Variants in EVI5 observed in about 807,000 individuals in gnomAD.
EVI5 encodes ecotropic viral integration site 5 protein homolog.
In EVI5, 73 loss-of-function variants were observed where a neutral mutation model predicts 112.0. The observed-to-expected ratio is 0.65, with a 90% CI of 0.54 to 0.79. The LOEUF is 0.79. Among genes scored for constraint, EVI5 ranks in the 30% least tolerant of loss-of-function variants. EVI5 has a pLI of 0.00. For missense variants in EVI5, 900 were observed against 968.8 expected, an observed-to-expected ratio of 0.93 and a Z score of 0.94; for synonymous variants, 305 against 319.9, an observed-to-expected ratio of 0.95 and a Z score of 0.50.
chr1:92,713,830 T>C (rs1053776325), intron 2 of EVI5, among the ~76,000 whole-genome samples: 1 of 152,142 alleles, frequency 6.6e-6, no homozygotes, highest in African/African-American at 2.4e-5. Context: ...GCCCCCAAAA[T>C]ATGCTAAAAA....
intron 19 of EVI5, among the ~76,000 whole-genome samples, chr1:92,536,310 A>C (rs529361797): frequency 6.6e-6 from 1 of 152,224 alleles, no homozygotes; most frequent in Non-Finnish European, 1.5e-5. Context: ...GAAAGCGATA[A>C]GTTATTATAC....
chr1:92,566,431 T>A (rs983824346), intron 18 of EVI5, among the ~76,000 whole-genome samples: 5 of 152,158 alleles, frequency 3.3e-5, no homozygotes, highest in Non-Finnish European at 2.9e-5. Flanking sequence ...ATTACTCGTG[T>A]TTGTGGTGGT....
chr1:92,621,488 A>G lies in EVI5; in HGVS notation c.1827+2688T>C, dbSNP rs954929080. ...CACCACACCTGGATAATTTTTTTGT[A>G]TTTTTAGTAGAGATGGGGTTTCACC... On this transcript the variant is annotated intron_variant, in intron 16 of 19. Transcript: ENST00000684568. 3.2e-4 allele frequency among the ~76,000 whole-genome samples: 48 copies of G among 152,092 alleles called. 1 individual carries two copies. The highest frequency in any genetic ancestry group is 2.3e-3 in the Admixed American group (35 of 15,282).
intron 13 of EVI5, among the ~76,000 whole-genome samples, chr1:92,660,097 G>C (rs779159649): frequency 6.6e-6 from 1 of 151,952 alleles, no homozygotes; most frequent in Non-Finnish European, 1.5e-5. Context: ...GAGAGGCGGT[G>C]AGGAATGAGA....
At chr1:92,591,843 G>C (rs1353349305) in intron 18 of EVI5, among the ~76,000 whole-genome samples, 1 of 152,128 alleles carries the variant, frequency 6.6e-6, no homozygotes, top group Non-Finnish European at 1.5e-5. Context: ...TTCCAAAATT[G>C]ACCATATAGT....
At chr1:92,547,422 C>A (rs1315734722) in intron 19 of EVI5, among the ~76,000 whole-genome samples, 2 of 152,148 alleles carry the variant, frequency 1.3e-5, no homozygotes, top group Non-Finnish European at 2.9e-5. Flanking sequence ...GACACCCTAA[C>A]ATCACAATTA....
At chr1:92,724,547 C>A (rs989331203) in intron 2 of EVI5, among the ~76,000 whole-genome samples, 2 of 152,118 alleles carry the variant, frequency 1.3e-5, no homozygotes, top group Admixed American at 1.3e-4. Context: ...CTCATTCATG[C>A]CTGTAATTCC....
At chr1:92,750,820 A>G (rs1228394909) in intron 1 of EVI5, among the ~76,000 whole-genome samples, 1 of 152,204 alleles carries the variant, frequency 6.6e-6, no homozygotes, top group Non-Finnish European at 1.5e-5. Context: ...CATAACATAC[A>G]AACACTTCAT....
Position 92,703,213 on chromosome 1 carries a change from C to A in EVI5, c.564+182G>T, listed in dbSNP as rs115125291. On this transcript the variant is annotated intron_variant, in intron 4 of 19. Transcript: ENST00000684568. ...CTAAATAACGTAGTAAATGTTCTAA[C>A]AAGTTCTCTATACTAGATAGTAATG... 3.1e-3 allele frequency among the ~76,000 whole-genome samples: 478 copies of A among 152,060 alleles called. 7 individuals carry two copies. The highest frequency in any genetic ancestry group is 0.011 in the African/African-American group (450 of 41,458).
chr1:92,581,092 T>C (rs1482698923), intron 18 of EVI5, among the ~76,000 whole-genome samples: 1 of 152,208 alleles, frequency 6.6e-6, no homozygotes, highest in Non-Finnish European at 1.5e-5. Context: ...GGCTAGGTGA[T>C]TGTCCACATA....
chr1:92,739,134 A>G (rs1677930262), intron 1 of EVI5, among the ~76,000 whole-genome samples: 1 of 151,856 alleles, frequency 6.6e-6, no homozygotes, highest in Non-Finnish European at 1.5e-5. Flanking sequence ...TTAGCTGGGC[A>G]TGGTGGCGGG....
At chr1:92,636,900 G>C (rs2101918064) in intron 13 of EVI5, among the ~76,000 whole-genome samples, 1 of 151,984 alleles carries the variant, frequency 6.6e-6, no homozygotes, top group South Asian at 2.1e-4. Context: ...CTTTTAATGT[G>C]GGTATTAGAA....
At chr1:92,635,323 C>G (rs757572585) in intron 14 of EVI5, among the ~76,000 whole-genome samples, 1 of 152,218 alleles carries the variant, frequency 6.6e-6, no homozygotes, top group Non-Finnish European at 1.5e-5. Context: ...GCAGTGGGCT[C>G]CACCCAGTTG....
intron 18 of EVI5, among the ~76,000 whole-genome samples, chr1:92,584,265 CT>C (rs533753468): frequency 1.2e-4 from 18 of 149,382 alleles, no homozygotes; most frequent in East Asian, 1.9e-4. Flanking sequence ...TTAAATAATG[CT>C]TTTTTTTTTC....
chr1:92,765,845 G>A (rs1682548122), intron 1 of EVI5, among the ~76,000 whole-genome samples: 1 of 152,024 alleles, frequency 6.6e-6, no homozygotes, highest in African/African-American at 2.4e-5. Flanking sequence ...GGAAGCCAAG[G>A]CGGGAGGGTC....
intron 9 of EVI5, among the ~76,000 whole-genome samples, chr1:92,692,350 T>A (rs999823931): frequency 1.3e-5 from 2 of 152,242 alleles, no homozygotes; most frequent in African/African-American, 4.8e-5. Flanking sequence ...GTGAGTTCAA[T>A]GTGGTTTTAC....
chr1:92,616,460 C>A (rs950377991), intron 16 of EVI5, among the ~76,000 whole-genome samples: 2 of 152,128 alleles, frequency 1.3e-5, no homozygotes, highest in African/African-American at 4.8e-5. Flanking sequence ...AGCGGCAAAG[C>A]GGCAATCAGA....
At chr1:92,544,849 A>G (rs1665416969) in intron 19 of EVI5, among the ~76,000 whole-genome samples, 1 of 152,220 alleles carries the variant, frequency 6.6e-6, no homozygotes, top group African/African-American at 2.4e-5. Context: ...CTTGCAAACC[A>G]CATGACCTCA....
chr1:92,675,658 A>G lies in EVI5; in HGVS notation c.1158+1500T>C, dbSNP rs1572234186. On this transcript the variant is annotated intron_variant, in intron 10 of 19. Coordinates refer to ENST00000684568, the MANE Select transcript of EVI5 (RefSeq NM_001350197.2). The stretch of plus-strand genomic sequence containing the variant: ...AAAAGTACCCTTACTCATAGTACCT[A>G]AAAGAAAAGCAAATAGGGCTGGACG... Among the ~76,000 whole-genome samples the G allele has an allele frequency of 2.0e-5, 3 of 152,188 alleles. 1 individual carries two copies. Among genetic ancestry groups the G allele is most frequent in the Non-Finnish European group, 1.5e-5 (1 of 67,984 alleles).
Sources: gnomAD v4.1 joint callset for allele counts (sites outside exome capture counted in the v4.1 genomes callset) on GRCh38, gnomAD v4.1.1 for gene constraint, MANE v1.5 for transcripts, NCBI Gene and HGNC (gene_info 2026-07-23, HGNC 2026-07-21) for gene names.